The following SYNJ2 variants were observed in gnomAD, a reference collection of about 807,000 sequenced individuals.
SYNJ2 encodes synaptojanin 2.
Under a neutral mutation model 141.3 loss-of-function variants are expected in SYNJ2, and 116 were observed. The observed-to-expected ratio is 0.82, with a 90% CI of 0.71 to 0.96. The LOEUF is 0.96. Ranked by LOEUF, SYNJ2 falls within the 40% of genes least tolerant of loss-of-function variation. SYNJ2 has a pLI of 0.00. For synonymous variants in SYNJ2, 745 were observed against 777.7 expected (o/e 0.96, Z 0.70); for missense variants, 1,873 against 1,934.8 (o/e 0.97, Z 0.60).
At chr6:158,007,967 A>AT in intron 1 of SYNJ2, among the ~76,000 whole-genome samples, 1 of 151,958 alleles carries the variant, frequency 6.6e-6, no homozygotes, top group South Asian at 2.1e-4. Context: ...TTCTTTAAAA[A>AT]TTTTTATAGG....
intron 1 of SYNJ2, among the ~76,000 whole-genome samples, chr6:157,988,361 C>T (rs917798158): frequency 1.3e-5 from 2 of 152,184 alleles, no homozygotes; most frequent in South Asian, 4.1e-4. Flanking sequence ...CAGGTAGTCA[C>T]GGTGGCATAC....
intron 5 of SYNJ2, among the ~76,000 whole-genome samples, chr6:158,044,130 G>A (rs747691176): frequency 1.3e-5 from 2 of 152,200 alleles, no homozygotes; most frequent in Non-Finnish European, 1.5e-5. Context: ...AAAGCCTCTC[G>A]GCCAGGGCCT....
intron 6 of SYNJ2, among the ~76,000 whole-genome samples, chr6:158,058,719 G>A (rs1781022603): frequency 6.6e-6 from 1 of 152,192 alleles, no homozygotes; most frequent in Non-Finnish European, 1.5e-5. Context: ...TTGAAGCCAG[G>A]AGTTCGAGAC....
At position 158,012,228 on chromosome 6, in the gene SYNJ2, G is replaced by A. The variant is rs565935433; in HGVS notation, c.128-4976G>A. 6.6e-5 allele frequency among the ~76,000 whole-genome samples: 10 copies of A among 152,344 alleles called. No individual in the cohort carries two copies. The South Asian group carries it at 1.9e-3, about 28-fold the overall frequency. ...CATCAGTGTGTGAGCAGAGGCAGGAGACCTGTGGGCTGGAAGGCCCACATC... is the reference window on the plus strand; with the variant it reads ...CATCAGTGTGTGAGCAGAGGCAGGAAACCTGTGGGCTGGAAGGCCCACATC... On this transcript the variant is annotated intron_variant, in intron 1 of 26. Transcript: ENST00000355585.
At chr6:158,061,354 A>G (rs536519433) in intron 7 of SYNJ2, among the ~76,000 whole-genome samples, 69 of 152,288 alleles carry the variant, frequency 4.5e-4, no homozygotes, top group African/African-American at 1.5e-3. Context: ...CAGGCCAGGG[A>G]AGCCTCATAT....
intron 22 of SYNJ2, among the ~76,000 whole-genome samples, 161 bp from the exon 23 acceptor site, chr6:158,086,694 C>T (rs561926419): frequency 6.7e-6 from 1 of 150,350 alleles, no homozygotes; most frequent in Non-Finnish European, 1.5e-5. Flanking sequence ...TCCCCGCCCC[C>T]GCCCCTCGCC....
intron 17 of SYNJ2, chr6:158,077,938 T>G (rs1353646365): frequency 5.4e-6 from 2 of 368,356 alleles, no homozygotes; most frequent in African/African-American, 2.1e-5. Context: ...TGGCGAGGAC[T>G]GCAGGCATGG....
chr6:158,068,859 G>A, intron 13 of SYNJ2, 131 bp downstream of exon 13: 1 of 922,514 alleles, frequency 1.1e-6, no homozygotes. Context: ...TGGCTGTGTG[G>A]GGATCTCTCA....
chr6:157,982,133 C>T lies in SYNJ2; in HGVS notation c.127+45C>T. ...AGCGACGCCCGGAGGAGAGGGCGCCCGCATTCGCCCAGCCTCGGGAAGACG... is the reference window on the plus strand; with the variant it reads ...AGCGACGCCCGGAGGAGAGGGCGCCTGCATTCGCCCAGCCTCGGGAAGACG... On this transcript the variant is annotated intron_variant, in intron 1 of 26. Coordinates refer to ENST00000355585, the MANE Select transcript of SYNJ2 (RefSeq NM_003898.4). This position sits in a 1 kb window ranked among gnomAD's most constrained non-coding sequence, Gnocchi z 4.0. 7.8e-7 allele frequency: 1 copy of T among 1,285,448 alleles called. No homozygotes were observed. The highest frequency in any genetic ancestry group is 9.8e-7 in the Non-Finnish European group (1 of 1,015,438). The allele number at this position is 1,285,448 out of a possible 1,614,324, so 79.6% of individuals were successfully genotyped here.
chr6:158,063,849 G>A lies in SYNJ2; in HGVS notation c.1186G>A (p.Val396Met). 1.2e-6 allele frequency: 2 copies of A among 1,613,642 alleles called. No homozygotes were observed. The highest frequency in any genetic ancestry group is 1.7e-6 in the Non-Finnish European group (2 of 1,179,812). ...TGACTGCCTGGACCGAACCAACACT[G>A]TGCAGAGCTTCATCGCGCTCGAGGT... ...CLDCLDRTNT[V>M]QSFIALEVLH... The change falls in exon 9 of 27, where the codon GTG becomes ATG. Residue 396 changes from valine to methionine, a missense_variant. Val to Met is a conservative substitution (Grantham distance 21). Coordinates refer to ENST00000355585, the MANE Select transcript of SYNJ2 (RefSeq NM_003898.4).
rs1783896200 is a variant in SYNJ2, at chr6:158,098,402, G to A, written c.*2038G>A. The A allele has an allele frequency of 6.6e-6, 1 of 152,110 alleles. No homozygotes were observed. Among genetic ancestry groups the A allele is most frequent in the African/African-American group, 2.4e-5 (1 of 41,416 alleles). The allele number at this position is 152,110 out of a possible 1,614,324, so 9.4% of individuals were successfully genotyped here. Reference sequence around the variant, plus strand: ...AAACACACAGAATTGTGTTGACTGGGGGAGGTGAATCACAAAAAAGTTACG... The same window carrying A: ...AAACACACAGAATTGTGTTGACTGGAGGAGGTGAATCACAAAAAAGTTACG... On this transcript the variant is annotated 3_prime_UTR_variant, in exon 27 of 27. Coordinates refer to ENST00000355585, the MANE Select transcript of SYNJ2 (RefSeq NM_003898.4).
rs182569279 is a variant in SYNJ2 at position 158,097,803 on chromosome 6, C to T, written c.*1439C>T. Reference sequence around the variant, plus strand: ...GGCCATCAAAACAAAAGTTACAACACGTATCTCTTTTCATCTGAAAACTAA... The same window carrying T: ...GGCCATCAAAACAAAAGTTACAACATGTATCTCTTTTCATCTGAAAACTAA... On this transcript the variant is annotated 3_prime_UTR_variant, in exon 27 of 27. Coordinates refer to ENST00000355585, the MANE Select transcript of SYNJ2 (RefSeq NM_003898.4). 44 of 150,402 alleles carry T rather than the reference C, an allele frequency of 2.9e-4. No homozygotes were observed. The highest frequency in any genetic ancestry group is 1.0e-3 in the African/African-American group (41 of 40,644). The allele number at this position is 150,402 out of a possible 1,614,324, so 9.3% of individuals were successfully genotyped here.
intron 1 of SYNJ2, chr6:158,001,382 G>A (rs1777848084): frequency 6.8e-6 from 1 of 147,400 alleles, no homozygotes; most frequent in Non-Finnish European, 1.5e-5. Context: ...GAAGGTAACT[G>A]AGAACTTTCT....
Position 158,083,421 on chromosome 6 carries a change from C to T in SYNJ2, c.2866-8C>T, listed in dbSNP as rs1286775596. The T allele has an allele frequency of 2.5e-6, 4 of 1,612,328 alleles. No homozygotes were observed. The highest frequency in any genetic ancestry group is 1.3e-5 in the African/African-American group (1 of 74,874). ...ATTTATTCCTGGGTGGCCGCTCTGC[C>T]CTCCCAGGTGAAAGGCAGAGCAGTG... On this transcript the variant is annotated splice_region_variant and splice_polypyrimidine_tract_variant and intron_variant, in intron 20 of 26. Coordinates refer to ENST00000355585, the MANE Select transcript of SYNJ2 (RefSeq NM_003898.4).
chr6:158,002,091 C>A, intron 1 of SYNJ2: 1 of 152,576 alleles, frequency 6.6e-6, no homozygotes. Context: ...AACAGCATCC[C>A]ACAGATGAAG....
intron 4 of SYNJ2, among the ~76,000 whole-genome samples, chr6:158,036,035 A>C (rs1779619419): frequency 6.6e-6 from 1 of 152,332 alleles, no homozygotes; most frequent in Admixed American, 6.5e-5. Context: ...GAAGGCATAC[A>C]TGCGGCCAGC....
At chr6:158,016,966 C>T in intron 1 of SYNJ2, 1 of 1,210,212 alleles carries the variant, frequency 8.3e-7, no homozygotes, top group Non-Finnish European at 1.0e-6. Context: ...CTCCTCCAGC[C>T]CCCAGGAAGC....
In SYNJ2 at chr6:158,000,064, CTTTTTTTTTTTTTTTTTTTTTTTT is replaced by C. The variant is rs58284240; in HGVS notation, c.128-17124_128-17101del. ...GCCAGGTTCTCACCAAGCCAAAAGGCTTTTTTTTTTTTTTTTTTTTTTTTTTTTTTTTTTTTTTTGAGGCAGGAG... is the reference window on the plus strand; with the variant it reads ...GCCAGGTTCTCACCAAGCCAAAAGGCTTTTTTTTTTTTTTTGAGGCAGGAG... On this transcript the variant is annotated intron_variant, in intron 1 of 26. Coordinates refer to ENST00000355585, the MANE Select transcript of SYNJ2 (RefSeq NM_003898.4). 2.4e-3 allele frequency among the ~76,000 whole-genome samples: 207 copies of C among 85,594 alleles called. 3 individuals are homozygous for C. Among genetic ancestry groups the C allele is most frequent in the Admixed American group, 9.5e-3 (69 of 7,288 alleles). 56.2% of individuals were successfully genotyped at this position (85,594 alleles called of 152,430 possible).
intron 14 of SYNJ2, 56 bp downstream of exon 14, chr6:158,069,729 T>C: frequency 3.9e-6 from 6 of 1,527,228 alleles, no homozygotes; most frequent in Non-Finnish European, 4.4e-6. Flanking sequence ...AGTCTTTGTG[T>C]TTTGTTCTTT....
Sources: allele counts gnomAD v4.1 joint callset (sites outside exome capture counted in the v4.1 genomes callset), GRCh38; gene constraint gnomAD v4.1.1; non-coding constraint Gnocchi (gnomAD v3.1); transcripts MANE v1.5; gene names NCBI Gene and HGNC (gene_info 2026-07-23, HGNC 2026-07-21).